The following NAV3 variants were observed in gnomAD, a reference collection of about 807,000 sequenced individuals.
The protein encoded by NAV3 is pore membrane and/or filament interacting like protein 1.
A neutral mutation model predicts 244.7 loss-of-function variants in NAV3; 87 were observed. The ratio of observed to expected loss-of-function variants is 0.36; its 90% CI spans 0.30 to 0.42. The LOEUF is 0.42. NAV3 is among the 20% of genes least tolerant of loss of function. The pLI, the probability that NAV3 is intolerant of heterozygous loss-of-function variation, is 1.00. For synonymous variants in NAV3, 1,126 were observed against 1,042.2 expected (o/e 1.08, Z -1.55); for missense variants, 2,663 against 2,893.3 (o/e 0.92, Z 1.83).
At chr12:77,910,792 A>G (rs190530882) in intron 1 of NAV3, among the ~76,000 whole-genome samples, 9 of 152,200 alleles carry the variant, frequency 5.9e-5, no homozygotes, top group African/African-American at 2.2e-4. Flanking sequence ...TCCCCTAGAG[A>G]CAGAGAAATA....
intron 1 of NAV3, among the ~76,000 whole-genome samples, chr12:77,915,187 A>G (rs1378204603): frequency 6.6e-6 from 1 of 151,938 alleles, no homozygotes; most frequent in Non-Finnish European, 1.5e-5. Context: ...GCCTCCTCCA[A>G]GATTCAAATG....
intron 2 of NAV3, among the ~76,000 whole-genome samples, chr12:77,798,869 CG>C (rs1386672304): frequency 1.3e-5 from 2 of 152,118 alleles, no homozygotes; most frequent in Non-Finnish European, 2.9e-5. Flanking sequence ...TTAGAAATTA[CG>C]TATTTGGAGG....
intron 16 of NAV3, among the ~76,000 whole-genome samples, chr12:78,123,530 A>G (rs1382802431): frequency 1.3e-5 from 1 of 79,620 alleles, no homozygotes; most frequent in Non-Finnish European, 2.8e-5. Context: ...TTTTCTCTTG[A>G]CTTTGTAAAA....
chr12:77,573,290 A>C (rs936580518), intron 2 of NAV3, among the ~76,000 whole-genome samples: 1 of 152,166 alleles, frequency 6.6e-6, no homozygotes, highest in Non-Finnish European at 1.5e-5. Context: ...TGCTGAGTCA[A>C]TGGCTTATTA....
chr12:77,832,072 C>T (rs1469122285), intron 1 of NAV3, among the ~76,000 whole-genome samples: 1 of 152,130 alleles, frequency 6.6e-6, no homozygotes, highest in Non-Finnish European at 1.5e-5. Context: ...TAGGTACTTT[C>T]AAAAAGACAT....
At chr12:78,119,090 C>A (rs1324133475) in intron 14 of NAV3, 147 bp from the exon 15 acceptor site, 1 of 877,472 alleles carries the variant, frequency 1.1e-6, no homozygotes, top group Non-Finnish European at 1.7e-6. Context: ...ACTCAGTCCT[C>A]TCAATATATG....
At chr12:78,181,803 GA>G (rs1379706331) in intron 30 of NAV3, among the ~76,000 whole-genome samples, 1 of 151,942 alleles carries the variant, frequency 6.6e-6, no homozygotes, top group East Asian at 1.9e-4. Flanking sequence ...TTCCATTATA[GA>G]ATGGAGATAG....
chr12:77,620,281 A>G (rs1002252919), intron 2 of NAV3, among the ~76,000 whole-genome samples: 3 of 152,182 alleles, frequency 2.0e-5, no homozygotes, highest in African/African-American at 7.2e-5. Context: ...AAAACTGCTT[A>G]TCACATGCTA....
At chr12:78,104,659 C>G (rs1416795726) in intron 12 of NAV3, among the ~76,000 whole-genome samples, 1 of 152,170 alleles carries the variant, frequency 6.6e-6, no homozygotes, top group Non-Finnish European at 1.5e-5. Context: ...AGCAGTTTCG[C>G]TAGCTACATT....
At chr12:78,147,021 G>A (rs1263478344) in intron 21 of NAV3, among the ~76,000 whole-genome samples, 1 of 152,076 alleles carries the variant, frequency 6.6e-6, no homozygotes, top group African/African-American at 2.4e-5. Flanking sequence ...TATTCAAGGT[G>A]AGGTAATGGC....
intron 37 of NAV3, 107 bp downstream of exon 37, chr12:78,199,638 A>G (rs923867893): frequency 7.9e-6 from 6 of 758,268 alleles, no homozygotes; most frequent in Non-Finnish European, 1.2e-5. Flanking sequence ...TGCTTATTCA[A>G]GCTTCCAAAG....
chr12:77,920,537 G>A (rs1361214583), intron 1 of NAV3, among the ~76,000 whole-genome samples: 1 of 151,866 alleles, frequency 6.6e-6, no homozygotes, highest in Non-Finnish European at 1.5e-5. Context: ...CAATTTTCTG[G>A]AAATACAATT....
intron 2 of NAV3, among the ~76,000 whole-genome samples, chr12:77,700,766 G>C (rs1361913232): frequency 2.0e-5 from 3 of 151,678 alleles, no homozygotes; most frequent in Non-Finnish European, 4.4e-5. Context: ...TTATGAATGG[G>C]TATTTAATTG....
chr12:77,769,179 A>G (rs1288242485), intron 2 of NAV3, among the ~76,000 whole-genome samples: 1 of 152,214 alleles, frequency 6.6e-6, no homozygotes, highest in South Asian at 2.1e-4. Context: ...AAGGCAGGTC[A>G]TTTCCAGGGT....
At chr12:77,788,508 G>C (rs577835571) in intron 2 of NAV3, among the ~76,000 whole-genome samples, 4 of 152,016 alleles carry the variant, frequency 2.6e-5, no homozygotes, top group African/African-American at 9.7e-5. Context: ...TGGATTACAT[G>C]ATCTCTACGG....
chr12:77,601,430 C>T (rs1356619546), intron 2 of NAV3, among the ~76,000 whole-genome samples: 1 of 151,994 alleles, frequency 6.6e-6, no homozygotes, highest in East Asian at 1.9e-4. Context: ...TATTTTCACA[C>T]TGGCAGGACG....
chr12:77,629,007 T>A (rs2136909320), intron 2 of NAV3, among the ~76,000 whole-genome samples: 1 of 152,320 alleles, frequency 6.6e-6, no homozygotes, highest in East Asian at 1.9e-4. Flanking sequence ...CTAAATTTAA[T>A]GTGCTTAGTA....
intron 2 of NAV3, among the ~76,000 whole-genome samples, chr12:77,710,828 G>T (rs923886623): frequency 4.6e-5 from 7 of 151,914 alleles, no homozygotes; most frequent in African/African-American, 1.7e-4. Context: ...CTAGCTCTTG[G>T]CAATAGATTA....
intron 2 of NAV3, among the ~76,000 whole-genome samples, chr12:77,626,748 A>C (rs1871644803): frequency 6.6e-6 from 1 of 152,186 alleles, no homozygotes; most frequent in African/African-American, 2.4e-5. Flanking sequence ...AGTCTTCCCC[A>C]GACAAGGAAA....
Sources: allele counts gnomAD v4.1 joint callset (sites outside exome capture counted in the v4.1 genomes callset), GRCh38; gene constraint gnomAD v4.1.1; transcripts MANE v1.5; gene names NCBI Gene and HGNC (gene_info 2026-07-23, HGNC 2026-07-21).